The following BCKDHB variants were observed in gnomAD, a reference collection of about 807,000 sequenced individuals.
The protein encoded by BCKDHB is 2-oxoisovalerate dehydrogenase subunit beta, mitochondrial.
A neutral mutation model predicts 48.5 loss-of-function variants in BCKDHB; 41 were observed. That is an observed-to-expected ratio of 0.85 (90% CI 0.66 to 1.10). BCKDHB has a LOEUF of 1.10. Among genes scored for constraint, BCKDHB ranks in the 50% least tolerant of loss-of-function variants. The pLI is 0.00. For synonymous variants in BCKDHB, 201 were observed against 174.8 expected (o/e 1.15, Z -1.18); for missense variants, 496 against 494.2 (o/e 1.00, Z -0.03).
At chr6:80,229,405 G>A (rs1775813742) in intron 8 of BCKDHB, among the ~76,000 whole-genome samples, 1 of 152,194 alleles carries the variant, frequency 6.6e-6, no homozygotes. Context: ...ATGATAGCAT[G>A]TGCAAAAGGC....
chr6:80,429,732 A>G, the BCKDHB span, among the ~76,000 whole-genome samples: 5 of 152,132 alleles, frequency 3.3e-5, no homozygotes, highest in East Asian at 5.8e-4. Flanking sequence ...GTATCCTGAA[A>G]CTTTGCTGAA....
At chr6:80,319,199 C>T (rs1306007533) in intron 9 of BCKDHB, among the ~76,000 whole-genome samples, 1 of 152,154 alleles carries the variant, frequency 6.6e-6, no homozygotes, top group African/African-American at 2.4e-5. Context: ...TTACATGAAA[C>T]AATCTGCATT....
chr6:80,405,396 T>A, the BCKDHB span, among the ~76,000 whole-genome samples: 1 of 152,174 alleles, frequency 6.6e-6, no homozygotes, highest in Admixed American at 6.5e-5. Flanking sequence ...TCTTTATTCA[T>A]CTTTTCACTT....
At chr6:80,146,136 G>A (rs1309958164) in intron 3 of BCKDHB, among the ~76,000 whole-genome samples, 2 of 152,188 alleles carry the variant, frequency 1.3e-5, no homozygotes, top group East Asian at 3.9e-4. Flanking sequence ...ATGTGGCCAG[G>A]GTGTTGGAGG....
chr6:80,446,248 T>C, the BCKDHB span, among the ~76,000 whole-genome samples: 709 of 152,358 alleles, frequency 4.7e-3, 3 homozygotes, highest in African/African-American at 0.015. Context: ...TCATTAGTTA[T>C]ACAACTGCCA....
the BCKDHB span, among the ~76,000 whole-genome samples, chr6:80,439,118 C>G: frequency 2.6e-5 from 4 of 152,156 alleles, no homozygotes; most frequent in Non-Finnish European, 5.9e-5. Context: ...TTTCCAGACC[C>G]AGACACATCA....
chr6:80,206,697 G>C (rs1774681284), intron 8 of BCKDHB, among the ~76,000 whole-genome samples: 2 of 151,842 alleles, frequency 1.3e-5, no homozygotes, highest in Admixed American at 1.3e-4. Context: ...TGAACTGGAA[G>C]GCTAGTTAAT....
intron 3 of BCKDHB, 135 bp downstream of exon 3, chr6:80,129,364 C>A: frequency 1.4e-6 from 1 of 711,978 alleles, no homozygotes; most frequent in East Asian, 2.7e-5. Context: ...CCAACGCCAC[C>A]CGCAGAATCC....
chr6:80,149,420 A>G (rs1490980112), intron 3 of BCKDHB, among the ~76,000 whole-genome samples: 2 of 152,212 alleles, frequency 1.3e-5, no homozygotes, highest in Admixed American at 6.5e-5. Context: ...GCGATTCCTC[A>G]GGGACCTAGA....
At chr6:80,295,226 G>A (rs1328514966) in intron 9 of BCKDHB, among the ~76,000 whole-genome samples, 2 of 152,178 alleles carry the variant, frequency 1.3e-5, no homozygotes, top group African/African-American at 4.8e-5. Context: ...GTATTAGTGT[G>A]TTCTCATACT....
At chr6:80,466,588 G>T in the BCKDHB span, among the ~76,000 whole-genome samples, 1 of 152,002 alleles carries the variant, frequency 6.6e-6, no homozygotes, top group Non-Finnish European at 1.5e-5. Context: ...TCACAACATA[G>T]ACATATATCA....
At chr6:80,182,056 T>C (rs1218285734) in intron 6 of BCKDHB, among the ~76,000 whole-genome samples, 1 of 152,224 alleles carries the variant, frequency 6.6e-6, no homozygotes, top group African/African-American at 2.4e-5. Context: ...AAGTCATGTT[T>C]GTTTATTTCA....
intron 9 of BCKDHB, among the ~76,000 whole-genome samples, chr6:80,306,648 A>G (rs1316905506): frequency 6.6e-6 from 1 of 152,220 alleles, no homozygotes; most frequent in African/African-American, 2.4e-5. Context: ...CAATAATTTC[A>G]TTTCCTTAAT....
At chr6:80,216,188 G>C (rs745493332) in intron 8 of BCKDHB, among the ~76,000 whole-genome samples, 9 of 152,170 alleles carry the variant, frequency 5.9e-5, no homozygotes, top group Non-Finnish European at 1.0e-4. Flanking sequence ...GAAAACTGAG[G>C]TTTGGGGAAG....
chr6:80,204,040 A>G (rs902638465), intron 8 of BCKDHB, among the ~76,000 whole-genome samples: 16 of 152,134 alleles, frequency 1.1e-4, no homozygotes, highest in Non-Finnish European at 8.8e-5. Flanking sequence ...ATGTACAATT[A>G]CATGTAAAAT....
chr6:80,358,497 G>A, the BCKDHB span, among the ~76,000 whole-genome samples: 1 of 152,156 alleles, frequency 6.6e-6, no homozygotes, highest in Admixed American at 6.5e-5. Flanking sequence ...ATCAAAAGCC[G>A]ATCTGGATTG....
chr6:80,359,261 C>G, the BCKDHB span, among the ~76,000 whole-genome samples: 1 of 152,166 alleles, frequency 6.6e-6, no homozygotes, highest in African/African-American at 2.4e-5. Context: ...ACCTTGTTCT[C>G]CTCGTAGGAG....
chr6:80,243,574 C>T (rs1173884280), intron 8 of BCKDHB, among the ~76,000 whole-genome samples: 1 of 152,146 alleles, frequency 6.6e-6, no homozygotes, highest in Non-Finnish European at 1.5e-5. Context: ...ACTCTGTCAT[C>T]CAGACTGGAG....
At chr6:80,393,209 C>G in the BCKDHB span, among the ~76,000 whole-genome samples, 2 of 152,142 alleles carry the variant, frequency 1.3e-5, no homozygotes, top group African/African-American at 4.8e-5. Context: ...ATAGCTATCA[C>G]TAATTCATAC....
Sources: gnomAD v4.1 joint callset for allele counts (sites outside exome capture counted in the v4.1 genomes callset) on GRCh38, gnomAD v4.1.1 for gene constraint, MANE v1.5 for transcripts, NCBI Gene and HGNC (gene_info 2026-07-23, HGNC 2026-07-21) for gene names.